Variants in NAA11 observed in about 807,000 individuals in gnomAD.
NAA11 encodes the protein N-alpha-acetyltransferase 11, NatA catalytic subunit.
NAA11 carries 15 observed loss-of-function variants against 16.1 expected under a neutral mutation model. The observed-to-expected ratio is 0.93, with a 90% CI of 0.62 to 1.44. The LOEUF is 1.44. Ranked by LOEUF, NAA11 falls within the 40% of genes most tolerant of loss-of-function variation. NAA11 has a pLI of 0.00. For missense variants in NAA11, 298 were observed against 291.3 expected (o/e 1.02, Z -0.17); for synonymous variants, 122 against 112.4 (o/e 1.09, Z -0.54).
At chr4:79,263,185 T>C (rs1722275775) in intron 2 of NAA11, among the ~76,000 whole-genome samples, 1 of 152,130 alleles carries the variant, frequency 6.6e-6, no homozygotes, top group East Asian at 1.9e-4. Context: ...TCAATAAAAG[T>C]TCATAAAATT....
At chr4:79,298,260 C>A (rs773769507) in intron 1 of NAA11, among the ~76,000 whole-genome samples, 2 of 152,228 alleles carry the variant, frequency 1.3e-5, no homozygotes, top group Non-Finnish European at 2.9e-5. Context: ...ATATCTCATT[C>A]TTCCTGGTCA....
chr4:79,309,027 T>G (rs1441667358), intron 1 of NAA11, among the ~76,000 whole-genome samples: 4 of 152,222 alleles, frequency 2.6e-5, no homozygotes, highest in African/African-American at 4.8e-5. Context: ...GGGGGATGTA[T>G]GAAAAGATAA....
At chr4:79,314,798 T>C (rs28420258), downstream of NAA11, among the ~76,000 whole-genome samples, 102 of 152,198 alleles carry the variant, frequency 6.7e-4, no homozygotes, top group Non-Finnish European at 1.3e-3. Flanking sequence ...AAAAACCTCA[T>C]ACACCATTCA....
intron 2 of NAA11, among the ~76,000 whole-genome samples, chr4:79,266,340 C>G (rs1333689388): frequency 6.6e-6 from 1 of 152,160 alleles, no homozygotes; most frequent in Non-Finnish European, 1.5e-5. Context: ...GATGTGCACT[C>G]TCCCCCTCTG....
the NAA11 span, among the ~76,000 whole-genome samples, chr4:79,214,020 A>C: frequency 2.6e-5 from 4 of 152,136 alleles, no homozygotes; most frequent in African/African-American, 9.7e-5. Flanking sequence ...CTGGTTGGTA[A>C]ATCATTGGTA....
At chr4:79,323,514 G>C (rs1376993725) in intron 1 of NAA11, among the ~76,000 whole-genome samples, 1 of 151,840 alleles carries the variant, frequency 6.6e-6, no homozygotes, top group Non-Finnish European at 1.5e-5. Flanking sequence ...CTGAAACTCT[G>C]TCTCTACTAA....
At chr4:79,300,606 A>G (rs1358191398) in intron 1 of NAA11, among the ~76,000 whole-genome samples, 1 of 152,232 alleles carries the variant, frequency 6.6e-6, no homozygotes, top group African/African-American at 2.4e-5. Context: ...ATCTAATGGG[A>G]AAGACAAGCA....
chr4:79,251,535 T>C (rs992695115), intron 2 of NAA11, among the ~76,000 whole-genome samples: 4 of 152,274 alleles, frequency 2.6e-5, no homozygotes, highest in Non-Finnish European at 4.4e-5. Flanking sequence ...CTGTGCTGAT[T>C]ACCTGGGTGA....
chr4:79,227,819 A>T (rs1009225035), intron 2 of NAA11: 1 of 151,002 alleles, frequency 6.6e-6, no homozygotes, highest in African/African-American at 2.4e-5. Context: ...TCAGCAAAAA[A>T]CTCCCTGCTC....
At position 79,257,596 on chromosome 4, in the gene NAA11, A is replaced by C. The variant is rs1374558975; in HGVS notation, c.*123-31326T>G. Among the ~76,000 whole-genome samples the C allele has an allele frequency of 2.6e-5, 4 of 152,168 alleles. No individual in the cohort carries two copies. The East Asian group carries it at 7.7e-4, about 29-fold the overall frequency. ...CTTTTTGATTCTGAAATTTCTTTTT[A>C]CTGCATATTTCTCTGAAGCCACTAT... On this transcript the variant is annotated intron_variant and NMD_transcript_variant, in intron 2 of 2. Transcript: ENST00000511542.
At chr4:79,306,292 A>G (rs1448157637) in intron 1 of NAA11, among the ~76,000 whole-genome samples, 1 of 152,194 alleles carries the variant, frequency 6.6e-6, no homozygotes, top group Admixed American at 6.5e-5. Context: ...AGAAATATAT[A>G]GTCTCACAGT....
At chr4:79,199,057 T>G in the NAA11 span, among the ~76,000 whole-genome samples, 1 of 151,912 alleles carries the variant, frequency 6.6e-6, no homozygotes, top group African/African-American at 2.4e-5. Flanking sequence ...TGGATTTAGA[T>G]ACCAGATGTC....
At position 79,325,796 on chromosome 4, in the gene NAA11, T is replaced by A; in HGVS notation, c.82A>T (p.Met28Leu). 1.2e-6 allele frequency: 2 copies of A among 1,614,174 alleles called. No individual in the cohort carries two copies. Among genetic ancestry groups the A allele is most frequent in the Non-Finnish European group, 1.7e-6 (2 of 1,180,020 alleles). Residue 28 changes from methionine (M) to leucine (L), a missense_variant, in exon 1 of 2, where the codon ATG (methionine) becomes TTG (leucine). Physicochemically the swap from Met to Leu is conservative, Grantham distance 15 (BLOSUM62 2). Coordinates refer to ENST00000286794, the MANE Select transcript of NAA11 (RefSeq NM_032693.3). ...AGGCCATGATATAAATAGTATTTCA[T>A]CTGGTAGTTCTCAGGAAGGCAAAGG... ...NLLCLPENYQ[M>L]KYYLYHGLSW...
Position 79,254,762 on chromosome 4 carries a change from T to C in NAA11, c.*123-28492A>G, listed in dbSNP as rs532285332. 8.1e-4 allele frequency among the ~76,000 whole-genome samples: 123 copies of C among 151,790 alleles called. 1 individual carries two copies. Among genetic ancestry groups the C allele is most frequent in the Non-Finnish European group, 3.5e-4 (24 of 67,880 alleles). ...GCACAACATGAAGGTTTGTTATTGA[T>C]GAAGAAAATATATAAGTCCAAATGA... On this transcript the variant is annotated intron_variant and NMD_transcript_variant, in intron 2 of 2. Coordinates refer to the NAA11 transcript ENST00000511542.
In NAA11 at chr4:79,231,739, A is replaced by G. The variant is rs527683030; in HGVS notation, c.*123-5469T>C. Among the ~76,000 whole-genome samples the G allele has an allele frequency of 2.0e-5, 3 of 151,968 alleles. No homozygotes were observed. The East Asian group carries it at 5.8e-4, about 29-fold the overall frequency. On this transcript the variant is annotated intron_variant and NMD_transcript_variant, in intron 2 of 2. Coordinates refer to the NAA11 transcript ENST00000511542. ...ATTTATATGTTTTATTATTGTCAAAAATAATGAAACCTAAATGTGACCAAG... is the reference window on the plus strand; with the variant it reads ...ATTTATATGTTTTATTATTGTCAAAGATAATGAAACCTAAATGTGACCAAG...
At chr4:79,190,567 TA>T in the NAA11 span, among the ~76,000 whole-genome samples, 1 of 152,142 alleles carries the variant, frequency 6.6e-6, no homozygotes, top group African/African-American at 2.4e-5. Context: ...CATTTGCTGA[TA>T]ATCATCCTGT....
chr4:79,170,554 G>T, the NAA11 span, among the ~76,000 whole-genome samples: 1,064 of 152,236 alleles, frequency 7.0e-3, 10 homozygotes, highest in African/African-American at 0.024. Context: ...AGACCCTGAG[G>T]TCAGAAAGGA....
At chr4:79,160,683 G>T in the NAA11 span, among the ~76,000 whole-genome samples, 1 of 152,064 alleles carries the variant, frequency 6.6e-6, no homozygotes, top group South Asian at 2.1e-4. Context: ...TAAATCTTTT[G>T]CCCATTTTAA....
At chr4:79,227,086 A>T (rs983781416) in intron 2 of NAA11, 2 of 152,052 alleles carry the variant, frequency 1.3e-5, no homozygotes, top group African/African-American at 4.8e-5. Context: ...CCTCTCCAGC[A>T]CCTGTTGTTT....
Sources: gnomAD v4.1 joint callset for allele counts (sites outside exome capture counted in the v4.1 genomes callset) on GRCh38, gnomAD v4.1.1 for gene constraint, MANE v1.5 for transcripts, NCBI Gene and HGNC (gene_info 2026-07-23, HGNC 2026-07-21) for gene names.